The following FRMD3 variants were observed in gnomAD, a reference collection of about 807,000 sequenced individuals.
FRMD3 encodes FERM domain-containing protein 3.
In FRMD3, 33 loss-of-function variants were observed where a neutral mutation model predicts 70.2. The observed-to-expected ratio is 0.47, with a 90% CI of 0.36 to 0.63. The LOEUF is 0.63. Ranked by LOEUF, FRMD3 falls within the 20% of genes least tolerant of loss-of-function variation. The pLI, the probability that FRMD3 is intolerant of heterozygous loss-of-function variation, is 0.00. For synonymous variants in FRMD3, 279 were observed against 255.9 expected (o/e 1.09, Z -0.86); for missense variants, 632 against 711.4 (o/e 0.89, Z 1.27).
At chr9:83,386,287 G>A (rs979648389) in intron 2 of FRMD3, among the ~76,000 whole-genome samples, 2 of 152,084 alleles carry the variant, frequency 1.3e-5, no homozygotes, top group African/African-American at 2.4e-5. Context: ...CACTCACATC[G>A]TATCCTCAAA....
Position 83,410,103 on chromosome 9 carries a change from G to A in FRMD3, c.148-20395C>T, listed in dbSNP as rs571899852. The stretch of plus-strand genomic sequence containing the variant: ...TAGCAATATCCTTCCTTTCACACAT[G>A]GAAGAACCAGGAAACCCTAAATTCT... On this transcript the variant is annotated intron_variant, in intron 1 of 13. Coordinates refer to ENST00000304195, the MANE Select transcript of FRMD3 (RefSeq NM_174938.6). Among the ~76,000 whole-genome samples the A allele has an allele frequency of 1.2e-4, 18 of 152,114 alleles. No homozygotes were observed. In the South Asian group the frequency reaches 2.7e-3, roughly 23 times the overall value.
Position 83,523,638 on chromosome 9 carries a change from C to T in FRMD3, c.147+14447G>A, listed in dbSNP as rs189171980. 3.3e-5 allele frequency among the ~76,000 whole-genome samples: 5 copies of T among 152,302 alleles called. No homozygotes were observed. The East Asian group carries it at 9.6e-4, about 29-fold the overall frequency. On this transcript the variant is annotated intron_variant, in intron 1 of 13. Coordinates refer to ENST00000304195, the MANE Select transcript of FRMD3 (RefSeq NM_174938.6). The stretch of plus-strand genomic sequence containing the variant: ...CAATTTGGAGATAAACCTAAACCAC[C>T]TTCCTCTCTGTGGCATATGATTAAA...
intron 1 of FRMD3, among the ~76,000 whole-genome samples, chr9:83,474,679 A>G (rs1445990187): frequency 2.0e-5 from 3 of 152,104 alleles, no homozygotes; most frequent in African/African-American, 7.2e-5. Context: ...CATCTCTTTG[A>G]GGGCATCTAG....
At chr9:83,407,764 G>A (rs182502876) in intron 1 of FRMD3, among the ~76,000 whole-genome samples, 15 of 151,828 alleles carry the variant, frequency 9.9e-5, no homozygotes, top group South Asian at 2.1e-4. Context: ...TGATGTGGAA[G>A]CAACTGAAGA....
intron 1 of FRMD3, among the ~76,000 whole-genome samples, chr9:83,397,247 C>T (rs954831924): frequency 2.0e-5 from 3 of 152,216 alleles, no homozygotes; most frequent in Admixed American, 1.3e-4. Context: ...ACCACATTTC[C>T]GCCTTCCCTG....
In FRMD3 at chr9:83,244,744, T is replaced by C. The variant is rs1832007411; in HGVS notation, c.*3174A>G. On this transcript the variant is annotated 3_prime_UTR_variant, in exon 14 of 14. Transcript: ENST00000304195. Reference sequence around the variant, plus strand: ...AGGTAAGGCTCCAATCACAGTAACATGGCCCCCATATCTCTAGTATTTCAA... The same window carrying C: ...AGGTAAGGCTCCAATCACAGTAACACGGCCCCCATATCTCTAGTATTTCAA... The C allele has an allele frequency of 2.0e-6, 2 of 985,290 alleles. No homozygotes were observed. The highest frequency in any genetic ancestry group is 3.5e-5 in the African/African-American group (2 of 57,364). The allele number at this position is 985,290 out of a possible 1,614,324, so 61.0% of individuals were successfully genotyped here.
At chr9:83,415,034 T>G (rs77369523) in intron 1 of FRMD3, among the ~76,000 whole-genome samples, 1 of 152,100 alleles carries the variant, frequency 6.6e-6, no homozygotes, top group African/African-American at 2.4e-5. Flanking sequence ...TGCAATGGGA[T>G]GGGGGCAGTA....
intron 1 of FRMD3, among the ~76,000 whole-genome samples, chr9:83,429,283 C>A (rs982490352): frequency 1.3e-5 from 2 of 152,154 alleles, no homozygotes; most frequent in Non-Finnish European, 2.9e-5. Flanking sequence ...GTACTCTGTA[C>A]AATGAGAGCT....
chr9:83,442,854 C>T (rs901236353), intron 1 of FRMD3, among the ~76,000 whole-genome samples: 3 of 152,140 alleles, frequency 2.0e-5, no homozygotes, highest in African/African-American at 4.8e-5. Context: ...TTTCCAAATG[C>T]TTTGATATTC....
intron 1 of FRMD3, among the ~76,000 whole-genome samples, chr9:83,419,539 A>C (rs967756049): frequency 2.2e-5 from 3 of 134,256 alleles, no homozygotes; most frequent in African/African-American, 8.0e-5. Context: ...ATGTGTGCTG[A>C]GTGTGTGATA....
chr9:83,284,702 G>A (rs1175302250), intron 13 of FRMD3, among the ~76,000 whole-genome samples: 2 of 152,224 alleles, frequency 1.3e-5, no homozygotes, highest in African/African-American at 2.4e-5. Flanking sequence ...GCATCTGGGG[G>A]AAAATGGTGG....
chr9:83,258,063 G>A (rs1486640833), intron 13 of FRMD3, among the ~76,000 whole-genome samples: 4 of 152,258 alleles, frequency 2.6e-5, no homozygotes, highest in African/African-American at 4.8e-5. Flanking sequence ...AAGACTGCCC[G>A]TTGATGACAG....
At chr9:83,439,550 C>G (rs1827237387) in intron 1 of FRMD3, among the ~76,000 whole-genome samples, 1 of 150,066 alleles carries the variant, frequency 6.7e-6, no homozygotes, top group Non-Finnish European at 1.5e-5. Flanking sequence ...TTGTAGTTGG[C>G]TTCTTTATGC....
chr9:83,418,405 T>C (rs1226865586), intron 1 of FRMD3, among the ~76,000 whole-genome samples: 2 of 152,000 alleles, frequency 1.3e-5, no homozygotes, highest in Admixed American at 1.3e-4. Flanking sequence ...CCAGAATCTA[T>C]AAGGAACTCA....
chr9:83,479,762 G>GAAAA (rs1828517049), intron 1 of FRMD3, among the ~76,000 whole-genome samples: 1 of 70,180 alleles, frequency 1.4e-5, no homozygotes, highest in African/African-American at 6.6e-5. Flanking sequence ...GAAGAAGAAG[G>GAAAA]GAGGGAGGGA....
At chr9:83,561,373 T>G in the FRMD3 span, among the ~76,000 whole-genome samples, 3 of 152,178 alleles carry the variant, frequency 2.0e-5, no homozygotes, top group South Asian at 6.2e-4. Context: ...TTCAAGCTGA[T>G]CTAATCCCTT....
At chr9:83,426,470 G>A (rs1430364282) in intron 1 of FRMD3, among the ~76,000 whole-genome samples, 2 of 152,228 alleles carry the variant, frequency 1.3e-5, no homozygotes, top group Non-Finnish European at 2.9e-5. Flanking sequence ...GGTGCTAAGA[G>A]CACAAAAGAG....
At chr9:83,535,541 C>T (rs1564120523) in intron 1 of FRMD3, among the ~76,000 whole-genome samples, 1 of 152,188 alleles carries the variant, frequency 6.6e-6, no homozygotes, top group Non-Finnish European at 1.5e-5. Context: ...CTCATCCAAC[C>T]CATGGCCCAG....
At chr9:83,257,730 A>C (rs1832783484) in intron 13 of FRMD3, among the ~76,000 whole-genome samples, 1 of 152,198 alleles carries the variant, frequency 6.6e-6, no homozygotes, top group African/African-American at 2.4e-5. Flanking sequence ...CACTAAATTT[A>C]ATTTACTTCA....
Sources: allele counts gnomAD v4.1 joint callset (sites outside exome capture counted in the v4.1 genomes callset), GRCh38; gene constraint gnomAD v4.1.1; transcripts MANE v1.5; gene names NCBI Gene and HGNC (gene_info 2026-07-23, HGNC 2026-07-21).